The following SIK2 variants were observed in gnomAD, a reference collection of about 807,000 sequenced individuals.
The protein encoded by SIK2 is salt inducible kinase 2.
A neutral mutation model predicts 103.2 loss-of-function variants in SIK2; 29 were observed. That is an observed-to-expected ratio of 0.28 (90% CI 0.21 to 0.38). The LOEUF (loss-of-function observed/expected upper bound fraction) is 0.38. Among genes scored for constraint, SIK2 ranks in the 10% least tolerant of loss-of-function variants. The probability of loss-of-function intolerance (pLI) is 1.00; values close to 1 mark genes in which losing one functional copy is unlikely to be tolerated. For missense variants in SIK2, 879 were observed against 1,171.0 expected (o/e 0.75, Z 3.64); for synonymous variants, 412 against 446.1 (o/e 0.92, Z 0.96).
intron 2 of SIK2, among the ~76,000 whole-genome samples, chr11:111,617,882 A>G (rs1280270786): frequency 1.3e-5 from 2 of 151,982 alleles, no homozygotes; most frequent in Non-Finnish European, 2.9e-5. Context: ...ACACACACAT[A>G]TATTTGGCAA....
intron 3 of SIK2, chr11:111,672,152 G>A (rs903138123): frequency 9.2e-6 from 4 of 435,436 alleles, no homozygotes; most frequent in Non-Finnish European, 1.7e-5. Context: ...TCCACTTCCA[G>A]CTTAAAAGAG....
chr11:111,678,367 A>C (rs1303747078), intron 3 of SIK2, among the ~76,000 whole-genome samples: 1 of 152,218 alleles, frequency 6.6e-6, no homozygotes, highest in African/African-American at 2.4e-5. Context: ...AGAGACACAA[A>C]TAAGTCACTC....
intron 1 of SIK2, among the ~76,000 whole-genome samples, chr11:111,613,444 C>T (rs1037419031): frequency 6.6e-6 from 1 of 151,970 alleles, no homozygotes; most frequent in African/African-American, 2.4e-5. Flanking sequence ...TATGCATGTC[C>T]GTGAAACTTG....
At position 111,722,638 on chromosome 11, in the gene SIK2, G is replaced by A. The variant is rs768170098; in HGVS notation, c.2056-27G>A. 26 of 1,605,826 alleles carry A rather than the reference G, an allele frequency of 1.6e-5. No individual in the cohort carries two copies. Among genetic ancestry groups the A allele is most frequent in the Middle Eastern group, 1.7e-4 (1 of 6,026 alleles). On this transcript the variant is annotated intron_variant, in intron 13 of 14. Coordinates refer to ENST00000304987, the MANE Select transcript of SIK2 (RefSeq NM_015191.3). This position sits in a 1 kb window ranked among gnomAD's most constrained non-coding sequence, Gnocchi z 4.4. ...ATCCTAGGTGACAGCACATTGTCACGCTCATGTTGTTTTTCTGCTCTTCCA... is the reference window on the plus strand; with the variant it reads ...ATCCTAGGTGACAGCACATTGTCACACTCATGTTGTTTTTCTGCTCTTCCA...
At chr11:111,684,440 GA>G (rs1449193261) in intron 3 of SIK2, among the ~76,000 whole-genome samples, 3 of 148,028 alleles carry the variant, frequency 2.0e-5, no homozygotes, top group Admixed American at 6.7e-5. Flanking sequence ...TTTCTTCAGG[GA>G]AAAAAAAAAG....
chr11:111,708,482 A>G (rs1293815450), intron 8 of SIK2, among the ~76,000 whole-genome samples: 2 of 152,240 alleles, frequency 1.3e-5, no homozygotes, highest in East Asian at 3.8e-4. Flanking sequence ...TGTTTGCTGT[A>G]TAACATGCAG....
intron 7 of SIK2, among the ~76,000 whole-genome samples, chr11:111,704,181 A>G (rs1943283865): frequency 6.6e-6 from 1 of 152,150 alleles, no homozygotes; most frequent in South Asian, 2.1e-4. Flanking sequence ...CTTTGCGCCC[A>G]GTGATGTTTT....
At chr11:111,620,100 G>A (rs1431051100) in intron 2 of SIK2, among the ~76,000 whole-genome samples, 1 of 152,200 alleles carries the variant, frequency 6.6e-6, no homozygotes, top group Non-Finnish European at 1.5e-5. Context: ...TTTCTTACAG[G>A]TGGTTGAATA....
chr11:111,721,714 A>AT, intron 12 of SIK2, 116 bp from the exon 13 acceptor site: 1 of 676,710 alleles, frequency 1.5e-6, no homozygotes, highest in South Asian at 2.2e-5. Context: ...TTGAGTATTA[A>AT]TAAGTCTCAG....
chr11:111,611,117 T>C lies in SIK2; in HGVS notation c.136-5126T>C, dbSNP rs867929224. ...GTGTGTGTGTGTGTGTGTGTGTGTG[T>C]GCACACCTGTAGTCCCAGCTTCTTG... On this transcript the variant is annotated intron_variant, in intron 1 of 14. Coordinates refer to ENST00000304987, the MANE Select transcript of SIK2 (RefSeq NM_015191.3). Among the ~76,000 whole-genome samples the C allele has an allele frequency of 4.4e-3, 657 of 150,394 alleles. 2 individuals carry two copies. The highest frequency in any genetic ancestry group is 0.024 in the Middle Eastern group (7 of 292).
intron 1 of SIK2, among the ~76,000 whole-genome samples, chr11:111,615,134 G>C (rs1941787556): frequency 0.025 from 1 of 40 alleles, no homozygotes; most frequent in Non-Finnish European, 0.083. Flanking sequence ...GGGAGACTCT[G>C]TATCAAATAA....
chr11:111,620,960 TTAAA>T (rs2135840436), intron 3 of SIK2, among the ~76,000 whole-genome samples: 1 of 152,356 alleles, frequency 6.6e-6, no homozygotes, highest in African/African-American at 2.4e-5. Context: ...TAAAAAAAAT[TTAAA>T]TATTTTATTC....
Position 111,720,330 on chromosome 11 carries a change from T to C in SIK2, c.1496-148T>C, listed in dbSNP as rs117509376. The C allele has an allele frequency of 7.9e-3, 6,686 of 841,720 alleles. 38 individuals are homozygous for C. The highest frequency in any genetic ancestry group is 0.028 in the Middle Eastern group (116 of 4,180). The allele number at this position is 841,720 out of a possible 1,614,324, so 52.1% of individuals were successfully genotyped here. ...CCCACTAAACTTGAAGATGACTAAATTGGCCAGTAAAAGGGCTCTGAAAAG... is the reference window on the plus strand; with the variant it reads ...CCCACTAAACTTGAAGATGACTAAACTGGCCAGTAAAAGGGCTCTGAAAAG... On this transcript the variant is annotated intron_variant, in intron 10 of 14. Coordinates refer to ENST00000304987, the MANE Select transcript of SIK2 (RefSeq NM_015191.3).
intron 6 of SIK2, among the ~76,000 whole-genome samples, chr11:111,702,551 AGAC>A (rs550549126): frequency 9.4e-4 from 143 of 152,354 alleles, no homozygotes; most frequent in African/African-American, 3.1e-3. Flanking sequence ...CCTGGGCAAG[AGAC>A]TGAGACCCTG....
Position 111,724,254 on chromosome 11 carries a change from C to A in SIK2, c.*125C>A. 7.5e-7 allele frequency: 1 copy of A among 1,335,930 alleles called. No individual in the cohort carries two copies. The highest frequency in any genetic ancestry group is 1.0e-6 in the Non-Finnish European group (1 of 1,003,664). 82.8% of individuals were successfully genotyped at this position (1,335,930 alleles called of 1,614,324 possible). ...CCTAACGGGGAGAAATCGAGCCACC[C>A]AACTGGAATCAGAGGGTCTGGCTGG... On this transcript the variant is annotated 3_prime_UTR_variant, in exon 15 of 15. Coordinates refer to ENST00000304987, the MANE Select transcript of SIK2 (RefSeq NM_015191.3).
At chr11:111,677,274 C>G (rs1039722980) in intron 3 of SIK2, among the ~76,000 whole-genome samples, 1 of 152,168 alleles carries the variant, frequency 6.6e-6, no homozygotes. Context: ...ATATTGAAAT[C>G]AGTAAGAAAA....
Position 111,727,373 on chromosome 11 carries a change from T to C in SIK2, c.*3244T>C, listed in dbSNP as rs1024942683. The C allele has an allele frequency of 9.9e-6, 4 of 404,976 alleles. No homozygotes were observed. The highest frequency in any genetic ancestry group is 5.9e-5 in the African/African-American group (3 of 50,680). The allele number at this position is 404,976 out of a possible 1,614,324, so 25.1% of individuals were successfully genotyped here. On this transcript the variant is annotated 3_prime_UTR_variant, in exon 15 of 15. Coordinates refer to ENST00000304987, the MANE Select transcript of SIK2 (RefSeq NM_015191.3). ...TCAGTGGCCCTTTCTTCCTCAGATA[T>C]CAAGAACTCCCAAGTGTTTAAACCG...
At chr11:111,720,361 T>C (rs1413034380) in intron 10 of SIK2, 117 bp from the exon 11 acceptor site, 8 of 1,110,194 alleles carry the variant, frequency 7.2e-6, no homozygotes, top group Non-Finnish European at 1.0e-5. Flanking sequence ...AAAAGATGTT[T>C]TGATTGGAAA....
At chr11:111,693,523 G>A (rs1375496210) in intron 4 of SIK2, among the ~76,000 whole-genome samples, 1 of 152,156 alleles carries the variant, frequency 6.6e-6, no homozygotes. Flanking sequence ...ACCTGTTTTG[G>A]CCCTGGCTGT....
Sources: gnomAD v4.1 joint callset for allele counts (sites outside exome capture counted in the v4.1 genomes callset) on GRCh38, gnomAD v4.1.1 for gene constraint, Gnocchi (gnomAD v3.1) non-coding constraint, MANE v1.5 for transcripts, NCBI Gene and HGNC (gene_info 2026-07-23, HGNC 2026-07-21) for gene names.